LRBA: variants seen among roughly 807,000 people sequenced by gnomAD.
LRBA encodes LPS responsive beige-like anchor protein, also known as lipopolysaccharide-responsive and beige-like anchor protein.
A neutral mutation model predicts 330.0 loss-of-function variants in LRBA; 176 were observed. The ratio of observed to expected loss-of-function variants is 0.53; its 90% CI spans 0.47 to 0.60. LRBA has a LOEUF of 0.60. Ranked by LOEUF, LRBA falls within the 20% of genes least tolerant of loss-of-function variation. The pLI is 0.00. For missense variants in LRBA, 3,259 were observed against 3,444.8 expected (o/e 0.95, Z 1.35); for synonymous variants, 1,230 against 1,193.0 (o/e 1.03, Z -0.64).
At chr4:150,659,115 T>C (rs1364905657) in intron 37 of LRBA, among the ~76,000 whole-genome samples, 1 of 136,632 alleles carries the variant, frequency 7.3e-6, no homozygotes, top group East Asian at 2.4e-4. Flanking sequence ...AGTGCCGAGA[T>C]TGCAGCCTCT....
At chr4:150,978,684 T>C (rs1177877291) in intron 2 of LRBA, among the ~76,000 whole-genome samples, 5 of 151,742 alleles carry the variant, frequency 3.3e-5, no homozygotes, top group Admixed American at 3.3e-4. Context: ...ACAAAAAAGA[T>C]GAAATATTAA....
At chr4:150,745,721 G>A (rs1287687150) in intron 35 of LRBA, among the ~76,000 whole-genome samples, 2 of 151,998 alleles carry the variant, frequency 1.3e-5, no homozygotes, top group East Asian at 1.9e-4. Context: ...TCACTATGTT[G>A]GCCAGGATGT....
intron 47 of LRBA, among the ~76,000 whole-genome samples, chr4:150,375,021 T>C (rs1423614547): frequency 6.6e-6 from 1 of 152,138 alleles, no homozygotes. Context: ...AACAAACTAT[T>C]TTGAGAAACC....
chr4:150,819,976 G>A (rs764968335), intron 30 of LRBA, among the ~76,000 whole-genome samples: 7 of 151,884 alleles, frequency 4.6e-5, no homozygotes, highest in Non-Finnish European at 8.8e-5. Context: ...GTTGCTAAGC[G>A]TGTTGTGTCA....
At chr4:150,954,589 C>G (rs1001410323) in intron 2 of LRBA, among the ~76,000 whole-genome samples, 3 of 149,914 alleles carry the variant, frequency 2.0e-5, no homozygotes, top group Non-Finnish European at 4.4e-5. Flanking sequence ...AGAGTCATCA[C>G]CACTCCCTAA....
At chr4:150,860,091 T>C (rs552872028) in intron 22 of LRBA, among the ~76,000 whole-genome samples, 23 of 152,254 alleles carry the variant, frequency 1.5e-4, no homozygotes, top group African/African-American at 5.3e-4. Flanking sequence ...ATTTTAAAAA[T>C]AGCTATAAAG....
chr4:150,535,582 TG>T (rs1179655872), intron 40 of LRBA, among the ~76,000 whole-genome samples: 3 of 152,218 alleles, frequency 2.0e-5, no homozygotes, highest in Non-Finnish European at 4.4e-5. Context: ...CCCAATATAT[TG>T]GCTAAAAGAA....
At chr4:150,437,289 T>C (rs2151996475) in intron 44 of LRBA, among the ~76,000 whole-genome samples, 1 of 151,836 alleles carries the variant, frequency 6.6e-6, no homozygotes, top group East Asian at 1.9e-4. Context: ...TAGAAGAGGA[T>C]GAAACAAAAC....
chr4:150,804,589 T>C (rs369868959), intron 33 of LRBA, among the ~76,000 whole-genome samples: 72 of 152,188 alleles, frequency 4.7e-4, no homozygotes, highest in Non-Finnish European at 9.4e-4. Flanking sequence ...CAACAAAAGA[T>C]TACAATAACT....
intron 46 of LRBA, among the ~76,000 whole-genome samples, chr4:150,434,323 C>T (rs564454646): frequency 5.5e-4 from 83 of 152,114 alleles, no homozygotes; most frequent in Non-Finnish European, 1.1e-3. Context: ...CTAGTAAGGA[C>T]TATTACTAGC....
chr4:150,431,523 G>C (rs1008693084), intron 46 of LRBA, among the ~76,000 whole-genome samples: 1 of 152,014 alleles, frequency 6.6e-6, no homozygotes. Flanking sequence ...TGTAAATAGA[G>C]ACATGTTGAG....
At chr4:150,340,581 C>T (rs915961170) in intron 48 of LRBA, among the ~76,000 whole-genome samples, 7 of 152,090 alleles carry the variant, frequency 4.6e-5, no homozygotes, top group Admixed American at 1.3e-4. Flanking sequence ...GCGATCCTCC[C>T]ACCTTGGCCT....
At chr4:150,486,155 T>C (rs1200138811) in intron 42 of LRBA, among the ~76,000 whole-genome samples, 1 of 151,924 alleles carries the variant, frequency 6.6e-6, no homozygotes, top group Non-Finnish European at 1.5e-5. Context: ...GCAGTAATCA[T>C]TTAACAATGT....
chr4:150,820,460 G>C (rs1745263899), intron 30 of LRBA, among the ~76,000 whole-genome samples: 1 of 151,724 alleles, frequency 6.6e-6, no homozygotes, highest in Non-Finnish European at 1.5e-5. Context: ...CAGCAATAAA[G>C]ATCTCTAACA....
At chr4:150,445,189 T>C (rs1408278551) in intron 44 of LRBA, among the ~76,000 whole-genome samples, 1 of 151,956 alleles carries the variant, frequency 6.6e-6, no homozygotes, top group African/African-American at 2.4e-5. Flanking sequence ...AGATAGGTCA[T>C]TAGTGGCATA....
At chr4:150,985,940 A>G (rs2149614676) in intron 2 of LRBA, among the ~76,000 whole-genome samples, 1 of 152,336 alleles carries the variant, frequency 6.6e-6, no homozygotes, top group South Asian at 2.1e-4. Context: ...AATTTTTCCC[A>G]GTATATTTAA....
intron 30 of LRBA, among the ~76,000 whole-genome samples, chr4:150,822,573 C>A (rs1375677135): frequency 6.6e-6 from 1 of 152,020 alleles, no homozygotes. Flanking sequence ...TCAGCACCAG[C>A]CTGGGCAACA....
intron 47 of LRBA, among the ~76,000 whole-genome samples, chr4:150,371,182 ATTTTTTTTTTTTTTT>A (rs70937395): frequency 5.4e-5 from 5 of 91,928 alleles, no homozygotes; most frequent in East Asian, 3.1e-4. Context: ...AAGCTACTAA[ATTTTTTTTTTTTTTT>A]TTTTTTTTTT....
chr4:150,621,003 A>G (rs187448046), intron 37 of LRBA, among the ~76,000 whole-genome samples: 1 of 152,262 alleles, frequency 6.6e-6, no homozygotes, highest in East Asian at 1.9e-4. Context: ...TTTTGGAGAA[A>G]TTTAATTGTA....
Sources: allele counts gnomAD v4.1 joint callset (sites outside exome capture counted in the v4.1 genomes callset), GRCh38; gene constraint gnomAD v4.1.1; transcripts MANE v1.5; gene names NCBI Gene and HGNC (gene_info 2026-07-23, HGNC 2026-07-21).